Variants in LPP observed in about 807,000 individuals in gnomAD.
LPP encodes the protein lipoma-preferred partner.
Under a neutral mutation model 60.4 loss-of-function variants are expected in LPP, and 38 were observed. That is an observed-to-expected ratio of 0.63 (90% confidence interval 0.49 to 0.83). The LOEUF (loss-of-function observed/expected upper bound fraction) is 0.83. Among genes scored for constraint, LPP ranks in the 40% least tolerant of loss-of-function variants. The pLI is 0.00. For missense variants in LPP, 902 were observed against 783.6 expected (o/e 1.15, Z -1.80); for synonymous variants, 328 against 290.8 (o/e 1.13, Z -1.30).
intron 7 of LPP, among the ~76,000 whole-genome samples, chr3:188,668,739 T>C (rs761366898): frequency 5.3e-5 from 8 of 152,174 alleles, no homozygotes; most frequent in Non-Finnish European, 1.2e-4. Flanking sequence ...ACTTATTCTT[T>C]TTCTGCAGAT....
chr3:188,640,844 C>T (rs953424009), intron 7 of LPP, among the ~76,000 whole-genome samples: 1 of 152,110 alleles, frequency 6.6e-6, no homozygotes, highest in African/African-American at 2.4e-5. Flanking sequence ...ATTGATAACA[C>T]AACTGATTAT....
chr3:188,153,227 G>C (rs2148617240), upstream of LPP: 1 of 152,408 alleles, frequency 6.6e-6, no homozygotes, highest in South Asian at 2.1e-4. Flanking sequence ...ACCCAAGTGG[G>C]AGGCAGAGCG....
intron 3 of LPP, among the ~76,000 whole-genome samples, chr3:188,378,893 A>C (rs575012827): frequency 3.3e-5 from 5 of 152,034 alleles, no homozygotes; most frequent in Non-Finnish European, 5.9e-5. Context: ...TTCATTCCAC[A>C]TGTATTTCTT....
intron 9 of LPP, among the ~76,000 whole-genome samples, chr3:188,851,335 TC>T (rs1762631385): frequency 1.3e-5 from 2 of 152,242 alleles, no homozygotes; most frequent in African/African-American, 4.8e-5. Flanking sequence ...AAAGCTACTG[TC>T]TTTTCATGTC....
intron 4 of LPP, among the ~76,000 whole-genome samples, chr3:188,406,947 T>G (rs151042500): frequency 4.9e-4 from 74 of 152,298 alleles, no homozygotes; most frequent in Non-Finnish European, 9.1e-4. Context: ...AGCTCTCATG[T>G]GTATGTATAC....
chr3:188,643,564 T>A (rs571279126), intron 7 of LPP, among the ~76,000 whole-genome samples: 2 of 152,292 alleles, frequency 1.3e-5, no homozygotes, highest in African/African-American at 2.4e-5. Context: ...TTCCTTCAAA[T>A]GAAACAAAAT....
intron 6 of LPP, among the ~76,000 whole-genome samples, chr3:188,536,010 T>G (rs1455118908): frequency 1.9e-5 from 1 of 51,656 alleles, no homozygotes; most frequent in African/African-American, 4.7e-5. Flanking sequence ...GAATTTTTTT[T>G]TTTTTTTTTT....
intron 7 of LPP, among the ~76,000 whole-genome samples, chr3:188,696,510 G>C (rs1863270839): frequency 6.6e-6 from 1 of 152,038 alleles, no homozygotes; most frequent in African/African-American, 2.4e-5. Flanking sequence ...CTTGAACCTG[G>C]GAGGCATAGG....
At chr3:188,691,636 A>G (rs886398452) in intron 7 of LPP, among the ~76,000 whole-genome samples, 7 of 152,222 alleles carry the variant, frequency 4.6e-5, no homozygotes, top group African/African-American at 1.7e-4. Flanking sequence ...GATTGCGCCC[A>G]CTTGAGGAAA....
intron 4 of LPP, among the ~76,000 whole-genome samples, chr3:188,479,754 G>T (rs927590496): frequency 1.3e-5 from 2 of 152,158 alleles, no homozygotes; most frequent in Non-Finnish European, 2.9e-5. Context: ...CTAAATCCTT[G>T]GATGTGTGTG....
chr3:188,566,198 G>A (rs1032740432), intron 6 of LPP, among the ~76,000 whole-genome samples: 5 of 152,022 alleles, frequency 3.3e-5, no homozygotes, highest in Middle Eastern at 3.4e-3. Context: ...ATTACAAGAC[G>A]ATGGAAAAGT....
intron 2 of LPP, among the ~76,000 whole-genome samples, chr3:188,226,724 A>T (rs892731989): frequency 8.5e-5 from 13 of 152,110 alleles, no homozygotes; most frequent in Non-Finnish European, 1.9e-4. Flanking sequence ...ACACCTTGAC[A>T]TATTTGTGGT....
chr3:188,204,768 C>T (rs1732698648), intron 1 of LPP, among the ~76,000 whole-genome samples: 1 of 152,126 alleles, frequency 6.6e-6, no homozygotes, highest in South Asian at 2.1e-4. Context: ...TGCCAATGAC[C>T]TGGAGGAGTG....
At chr3:188,252,075 T>TATATATACAC (rs1233544060) in intron 2 of LPP, among the ~76,000 whole-genome samples, 1 of 58,496 alleles carries the variant, frequency 1.7e-5, no homozygotes, top group African/African-American at 7.4e-5. Context: ...TATATATATA[T>TATATATACAC]ACACACACAC....
chr3:188,295,036 C>G (rs571836421), intron 2 of LPP, among the ~76,000 whole-genome samples: 59 of 152,316 alleles, frequency 3.9e-4, no homozygotes, highest in African/African-American at 1.4e-3. Flanking sequence ...CCCACCTTCT[C>G]TGACTCACTT....
chr3:188,311,538 A>G (rs959262917), intron 2 of LPP, among the ~76,000 whole-genome samples: 1 of 148,824 alleles, frequency 6.7e-6, no homozygotes, highest in Non-Finnish European at 1.5e-5. Flanking sequence ...TAAAAGTAAG[A>G]TAAAATAAAC....
At chr3:188,170,539 G>A (rs535553595) in intron 1 of LPP, among the ~76,000 whole-genome samples, 1 of 151,722 alleles carries the variant, frequency 6.6e-6, no homozygotes, top group Non-Finnish European at 1.5e-5. Flanking sequence ...CACCACGTTG[G>A]CCAGGCTGGT....
chr3:188,868,272 T>C (rs1767174181), intron 10 of LPP, among the ~76,000 whole-genome samples: 1 of 152,190 alleles, frequency 6.6e-6, no homozygotes, highest in South Asian at 2.1e-4. Flanking sequence ...AAAAGACTGA[T>C]ACATTACACC....
chr3:188,303,120 C>T (rs1244998326), intron 2 of LPP, among the ~76,000 whole-genome samples: 1 of 152,154 alleles, frequency 6.6e-6, no homozygotes, highest in Non-Finnish European at 1.5e-5. Flanking sequence ...TGTAAAGGGA[C>T]AGATGGTACA....
Sources: gnomAD v4.1 joint callset for allele counts (sites outside exome capture counted in the v4.1 genomes callset) on GRCh38, gnomAD v4.1.1 for gene constraint, MANE v1.5 for transcripts, NCBI Gene and HGNC (gene_info 2026-07-23, HGNC 2026-07-21) for gene names.